The following MANSC1 variants were observed in gnomAD, a reference collection of about 807,000 sequenced individuals.
The protein encoded by MANSC1 is MANSC domain-containing protein 1.
In MANSC1, 13 loss-of-function variants were observed where a neutral mutation model predicts 14.1. That is an observed-to-expected ratio of 0.92 (90% CI 0.60 to 1.46). MANSC1 has a LOEUF of 1.46. Among genes scored for constraint, MANSC1 ranks in the 40% most tolerant of loss-of-function variants. The probability of loss-of-function intolerance (pLI) is 0.00; values close to 1 mark genes in which losing one functional copy is unlikely to be tolerated. For synonymous variants in MANSC1, 227 were observed against 200.7 expected (o/e 1.13, Z -1.11); for missense variants, 486 against 511.4 (o/e 0.95, Z 0.48).
At chr12:12,333,494 C>G (rs61922026) in intron 3 of MANSC1, among the ~76,000 whole-genome samples, 14,926 of 152,184 alleles carry the variant, frequency 0.098, 759 homozygotes, top group Non-Finnish European at 0.11. Context: ...ATAAATAAAG[C>G]AAAGCTAGGG....
Position 12,330,070 on chromosome 12 carries a change from G to C in MANSC1, c.1253C>G (p.Ser418Ter), listed in dbSNP as rs1238928945. ...LSESLRRKRY[S>*]RLDYLINGIY... ...CCCATTGATCAAATAATCCAGTCTT[G>C]AGTAACGTTTCCTGCGGAGTGATTC... is the stretch of plus-strand genomic sequence containing the variant. Residue 418 changes from serine to a stop codon, truncating the protein, a stop_gained, in exon 4 of 4, where the codon TCA becomes TGA. Transcript: ENST00000535902. LOFTEE classifies it high-confidence loss of function. The C allele has an allele frequency of 1.2e-6, 2 of 1,614,152 alleles. No homozygotes were observed. Among genetic ancestry groups the C allele is most frequent in the South Asian group, 1.1e-5 (1 of 91,084 alleles).
At chr12:12,338,981 C>A (rs949092346) in intron 2 of MANSC1, 1 of 184,610 alleles carries the variant, frequency 5.4e-6, no homozygotes, top group South Asian at 1.0e-4. Context: ...AGAGGCAGCC[C>A]GAGTATCCCG....
Position 12,326,488 on chromosome 12 carries a change from C to T in MANSC1, c.*3539G>A, listed in dbSNP as rs1466722972. ...TGGGCAGCTGACCGGTAGTGCCCAC[C>T]ACAGTCTGGGAGCCAAAGAGTTCCA... On this transcript the variant is annotated 3_prime_UTR_variant, in exon 4 of 4. Transcript: ENST00000535902. 2 of 152,268 alleles carry T rather than the reference C, an allele frequency of 1.3e-5. No individual in the cohort carries two copies. Among genetic ancestry groups the T allele is most frequent in the African/African-American group, 4.8e-5 (2 of 41,424 alleles). The allele number at this position is 152,268 out of a possible 1,614,324, so 9.4% of individuals were successfully genotyped here.
At chr12:12,342,115 T>C (rs889606868) in intron 2 of MANSC1, among the ~76,000 whole-genome samples, 6 of 152,262 alleles carry the variant, frequency 3.9e-5, no homozygotes, top group African/African-American at 4.8e-5. Context: ...GCTGATTTTT[T>C]ACTTTTTACA....
At chr12:12,339,900 C>A (rs1448018375) in intron 2 of MANSC1, among the ~76,000 whole-genome samples, 3 of 151,976 alleles carry the variant, frequency 2.0e-5, no homozygotes, top group African/African-American at 4.8e-5. Flanking sequence ...TCAGCCTTGA[C>A]CTCCTGGGCT....
At position 12,338,657 on chromosome 12, in the gene MANSC1, A is replaced by G. The variant is rs1031886796; in HGVS notation, c.224-97T>C. The G allele has an allele frequency of 4.5e-6, 5 of 1,108,920 alleles. No homozygotes were observed. The African/African-American group carries it at 8.0e-5, about 18-fold the overall frequency. 68.7% of individuals were successfully genotyped at this position (1,108,920 alleles called of 1,614,324 possible). On this transcript the variant is annotated intron_variant, in intron 2 of 3. Coordinates refer to ENST00000535902, the MANE Select transcript of MANSC1 (RefSeq NM_018050.4). ...TTCACTTATTATGGAGTCCAACACA[A>G]ACACCTTTGTTCATTTTGTTCACTT...
intron 3 of MANSC1, among the ~76,000 whole-genome samples, chr12:12,336,431 GC>G (rs1862859943): frequency 1.3e-5 from 2 of 152,074 alleles, no homozygotes; most frequent in South Asian, 4.1e-4. Flanking sequence ...TCAATTCTGT[GC>G]ATAGCACTTG....
chr12:12,327,319 A>G lies in MANSC1; in HGVS notation c.*2708T>C, dbSNP rs557463624. The G allele has an allele frequency of 9.9e-5, 15 of 152,272 alleles. No homozygotes were observed. The South Asian group carries it at 3.1e-3, about 32-fold the overall frequency. 9.4% of individuals were successfully genotyped at this position (152,272 alleles called of 1,614,324 possible). A position where few individuals can be genotyped will look rare whatever the true frequency, so the allele number is the denominator to read the frequency against. On this transcript the variant is annotated 3_prime_UTR_variant, in exon 4 of 4. Transcript: ENST00000535902. ...CTGAATTCCTCTAAGGGATTCCCCT[A>G]CCCTGACTGCCCTTGCCACAGTTGC...
Position 12,350,165 on chromosome 12 carries a change from CGCG to C in MANSC1, c.-191_-189del, listed in dbSNP as rs1051329575. The C allele has an allele frequency of 6.6e-6, 1 of 152,250 alleles. No individual in the cohort carries two copies. The highest frequency in any genetic ancestry group is 1.5e-5 in the Non-Finnish European group (1 of 68,066). 9.4% of individuals were successfully genotyped at this position (152,250 alleles called of 1,614,324 possible). ...CCCGCGGGAAGGACCGGCGAATCCG[CGCG>C]GGGGTCTCGGCGAGGACCGCAGCGG... On this transcript the variant is annotated 5_prime_UTR_variant, in exon 1 of 4. Coordinates refer to ENST00000535902, the MANE Select transcript of MANSC1 (RefSeq NM_018050.4).
rs1164728906 is a variant in MANSC1 at position 12,343,156 on chromosome 12, C to T, written c.159G>A (p.Glu53=). The change falls in exon 2 of 4, where the codon GAG becomes GAA. Residue 53 remains glutamate (E), a synonymous_variant. Coordinates refer to ENST00000535902, the MANE Select transcript of MANSC1 (RefSeq NM_018050.4). The part of the protein sequence containing the change: ...SSLSKGIRGN[E]PVYTSTQEDC... Reference sequence around the variant, plus strand: ...CTTCTTGAGTTGAAGTATATACGGGCTCATTGCCTCTGATTCCCTTAGAAA... The same window carrying T: ...CTTCTTGAGTTGAAGTATATACGGGTTCATTGCCTCTGATTCCCTTAGAAA... The T allele has an allele frequency of 1.9e-6, 3 of 1,614,012 alleles. No homozygotes were observed. Among genetic ancestry groups the T allele is most frequent in the African/African-American group, 1.3e-5 (1 of 75,046 alleles).
intron 2 of MANSC1, among the ~76,000 whole-genome samples, chr12:12,341,092 T>C (rs904342087): frequency 2.0e-5 from 3 of 152,096 alleles, no homozygotes; most frequent in Non-Finnish European, 2.9e-5. Flanking sequence ...ATCACAAGAC[T>C]GCCCTCATTT....
intron 2 of MANSC1, 169 bp from the exon 3 acceptor site, chr12:12,338,729 A>G: frequency 1.5e-6 from 1 of 653,448 alleles, no homozygotes; most frequent in Non-Finnish European, 2.6e-6. Flanking sequence ...TTAGTTGCTT[A>G]AGGCAATTTT....
At chr12:12,334,956 G>A (rs147907126) in intron 3 of MANSC1, among the ~76,000 whole-genome samples, 100 of 152,100 alleles carry the variant, frequency 6.6e-4, no homozygotes, top group Admixed American at 3.1e-3. Context: ...ATCATTCCCC[G>A]AAGCCCCTCA....
chr12:12,338,766 T>G (rs941307317), intron 2 of MANSC1: 1 of 606,970 alleles, frequency 1.6e-6, no homozygotes, highest in Non-Finnish European at 2.9e-6. Context: ...AGCTTTTTTT[T>G]TTTCACAAGG....
At chr12:12,346,336 C>T (rs1310579340) in intron 1 of MANSC1, among the ~76,000 whole-genome samples, 1 of 151,768 alleles carries the variant, frequency 6.6e-6, no homozygotes, top group Non-Finnish European at 1.5e-5. Flanking sequence ...TAATCAAAAG[C>T]CCAAAGTTAT....
At chr12:12,343,716 A>G (rs1862968313) in intron 1 of MANSC1, among the ~76,000 whole-genome samples, 1 of 152,218 alleles carries the variant, frequency 6.6e-6, no homozygotes, top group Non-Finnish European at 1.5e-5. Flanking sequence ...TCCCTCTTCT[A>G]ACTCAGAGCG....
rs1379098518 is a variant in MANSC1 at position 12,344,860 on chromosome 12, G to A, written c.-100-1446C>T. On this transcript the variant is annotated intron_variant, in intron 1 of 3. Transcript: ENST00000535902. ...TTTGAAACTCCTTGCTCCTCAGCCT[G>A]CAGATGGCCTATTGTGGGGCCTTGT... is the stretch of plus-strand genomic sequence containing the variant. Among the ~76,000 whole-genome samples the A allele has an allele frequency of 3.0e-5, 4 of 135,572 alleles. No individual in the cohort carries two copies. In the East Asian group the frequency reaches 8.9e-4, roughly 30 times the overall value. The allele number at this position is 135,572 out of a possible 152,430, so 88.9% of individuals were successfully genotyped here. A position where few individuals can be genotyped will look rare whatever the true frequency, so the allele number is the denominator to read the frequency against.
At position 12,328,483 on chromosome 12, in the gene MANSC1, C is replaced by T. The variant is rs1169993681; in HGVS notation, c.*1544G>A. 2 of 151,014 alleles carry T rather than the reference C, an allele frequency of 1.3e-5. No individual in the cohort carries two copies. The highest frequency in any genetic ancestry group is 4.0e-4 in the East Asian group (2 of 4,990). The allele number at this position is 151,014 out of a possible 1,614,324, so 9.4% of individuals were successfully genotyped here. ...GTGTTAGCCAGGATGGTCTCGATCT[C>T]CTGACCTCGTGATTTGCCCATCTCG... On this transcript the variant is annotated 3_prime_UTR_variant, in exon 4 of 4. Transcript: ENST00000535902.
Position 12,330,069 on chromosome 12 carries a change from T to C in MANSC1, c.1254A>G (p.Ser418=), listed in dbSNP as rs143546418. ...TCCCATTGATCAAATAATCCAGTCT[T>C]GAGTAACGTTTCCTGCGGAGTGATT... is the stretch of plus-strand genomic sequence containing the variant. ...LSESLRRKRY[S]RLDYLINGIY... is the part of the protein sequence containing the mutation. Residue 418 remains serine (S), a synonymous_variant, in exon 4 of 4, where the codon TCA becomes TCG. Transcript: ENST00000535902. The C allele has an allele frequency of 6.1e-5, 99 of 1,614,036 alleles. No individual in the cohort carries two copies. Among genetic ancestry groups the C allele is most frequent in the Middle Eastern group, 1.6e-4 (1 of 6,084 alleles).
Sources: gnomAD v4.1 joint callset for allele counts (sites outside exome capture counted in the v4.1 genomes callset) on GRCh38, gnomAD v4.1.1 for gene constraint, MANE v1.5 for transcripts, NCBI Gene and HGNC (gene_info 2026-07-23, HGNC 2026-07-21) for gene names.